KCNQ5: variants seen among roughly 807,000 people sequenced by gnomAD.
KCNQ5 encodes potassium voltage-gated channel subfamily Q member 5.
A neutral mutation model predicts 98.2 loss-of-function variants in KCNQ5; 30 were observed. That is an observed-to-expected ratio of 0.31 (90% CI 0.23 to 0.41). The LOEUF (loss-of-function observed/expected upper bound fraction) is 0.41, where lower values mean the gene tolerates loss of function less well. Ranked by LOEUF, KCNQ5 falls within the 10% of genes least tolerant of loss-of-function variation. The pLI, the probability that KCNQ5 is intolerant of heterozygous loss-of-function variation, is 1.00. For missense variants in KCNQ5, 835 were observed against 1,182.5 expected, an observed-to-expected ratio of 0.71 and a Z score of 4.31; for synonymous variants, 458 against 449.4, an observed-to-expected ratio of 1.02 and a Z score of -0.24.
Position 72,711,223 on chromosome 6 carries a change from G to A in KCNQ5, c.398+88636G>A, listed in dbSNP as rs142432441. On this transcript the variant is annotated intron_variant, in intron 1 of 13. Coordinates refer to ENST00000370398, the MANE Select transcript of KCNQ5 (RefSeq NM_019842.4). ...TGTACACAGAGAAAAGACCATGTGA[G>A]TACACAGCAAGAAGTAGCCATTTAC... is the stretch of plus-strand genomic sequence containing the variant. Among the ~76,000 whole-genome samples, 304 of 152,102 alleles carry A rather than the reference G, an allele frequency of 2.0e-3. 2 individuals are homozygous for A. Among genetic ancestry groups the A allele is most frequent in the African/African-American group, 7.2e-3 (298 of 41,518 alleles).
At chr6:72,917,938 G>A (rs761451926) in intron 1 of KCNQ5, among the ~76,000 whole-genome samples, 1 of 152,072 alleles carries the variant, frequency 6.6e-6, no homozygotes, top group African/African-American at 2.4e-5. Context: ...TTCTAGGGGG[G>A]CTGTCCTGTG....
chr6:73,076,707 T>C (rs186464529), intron 3 of KCNQ5, among the ~76,000 whole-genome samples: 32 of 152,324 alleles, frequency 2.1e-4, no homozygotes, highest in African/African-American at 7.2e-4. Context: ...GTCTAAAGAA[T>C]ACTCTATACA....
intron 1 of KCNQ5, among the ~76,000 whole-genome samples, chr6:72,726,817 C>T (rs1022840211): frequency 3.9e-5 from 6 of 152,162 alleles, no homozygotes; most frequent in Admixed American, 1.3e-4. Context: ...CAGATGAAAG[C>T]CTTAAGTTCT....
chr6:72,678,413 A>C (rs1164650513), intron 1 of KCNQ5: 1 of 152,184 alleles, frequency 6.6e-6, no homozygotes, highest in Non-Finnish European at 1.5e-5. Context: ...AAATAGAGGA[A>C]TCAGGATTCA....
At chr6:73,078,037 A>C in intron 5 of KCNQ5, 150 bp downstream of exon 5, 1 of 602,480 alleles carries the variant, frequency 1.7e-6, no homozygotes, top group Non-Finnish European at 2.6e-6. Context: ...TTATTGTCTA[A>C]AGGCTTTCCA....
At chr6:72,814,111 C>T (rs890777006) in intron 1 of KCNQ5, among the ~76,000 whole-genome samples, 1 of 152,182 alleles carries the variant, frequency 6.6e-6, no homozygotes, top group African/African-American at 2.4e-5. Context: ...GAGCCAGGCC[C>T]AAGGCCACTG....
At position 73,194,739 on chromosome 6, in the gene KCNQ5, T is replaced by G; in HGVS notation, c.2124T>G (p.Thr708=). Residue 708 remains threonine, a synonymous_variant, in exon 14 of 14, where the codon ACT becomes ACG. Transcript: ENST00000370398. ...SAQTFYALSP[T]MHSQATQVPI... ...AGACTTTCTACGCGCTTAGCCCTAC[T>G]ATGCACAGTCAAGCAACACAGGTGC... The G allele has an allele frequency of 6.2e-7, 1 of 1,614,220 alleles. No individual in the cohort carries two copies. The highest frequency in any genetic ancestry group is 2.2e-5 in the East Asian group (1 of 44,882).
intron 3 of KCNQ5, among the ~76,000 whole-genome samples, chr6:73,065,409 G>A (rs550322554): frequency 6.6e-6 from 1 of 152,274 alleles, no homozygotes; most frequent in Non-Finnish European, 1.5e-5. Flanking sequence ...CCTCACTCTT[G>A]TAATGCTGCT....
At chr6:72,854,483 A>G (rs2150145886) in intron 1 of KCNQ5, among the ~76,000 whole-genome samples, 1 of 151,976 alleles carries the variant, frequency 6.6e-6, no homozygotes, top group Non-Finnish European at 1.5e-5. Context: ...TAAAAAATTC[A>G]ATATTACTAT....
At chr6:72,898,633 G>GT (rs1254930176) in intron 1 of KCNQ5, among the ~76,000 whole-genome samples, 2 of 151,966 alleles carry the variant, frequency 1.3e-5, no homozygotes, top group Non-Finnish European at 2.9e-5. Flanking sequence ...TGCAATAAAC[G>GT]TAAGTGTGCA....
chr6:72,980,153 A>G (rs1352404389), intron 1 of KCNQ5, among the ~76,000 whole-genome samples: 1 of 152,048 alleles, frequency 6.6e-6, no homozygotes, highest in Admixed American at 6.6e-5. Flanking sequence ...TGACTTGGCA[A>G]TGTGGGCTCT....
intron 1 of KCNQ5, among the ~76,000 whole-genome samples, chr6:72,821,203 C>T (rs748934878): frequency 7.9e-5 from 12 of 152,120 alleles, no homozygotes; most frequent in Non-Finnish European, 1.6e-4. Context: ...AATATTTGGC[C>T]TAGTCACCCA....
At chr6:72,854,757 T>TG (rs1298731217) in intron 1 of KCNQ5, among the ~76,000 whole-genome samples, 18 of 80,528 alleles carry the variant, frequency 2.2e-4, no homozygotes, top group African/African-American at 3.6e-4. Flanking sequence ...CACACCATGG[T>TG]TTGTGTGTGT....
At chr6:73,099,081 T>C (rs1013047790) in intron 5 of KCNQ5, among the ~76,000 whole-genome samples, 1 of 151,884 alleles carries the variant, frequency 6.6e-6, no homozygotes, top group Non-Finnish European at 1.5e-5. Flanking sequence ...TTGTGATCAG[T>C]TTAAAATAAT....
At chr6:73,125,524 G>C (rs774105627) in intron 9 of KCNQ5, 2 of 515,946 alleles carry the variant, frequency 3.9e-6, no homozygotes, top group South Asian at 1.4e-5. Flanking sequence ...ACCCAGAGTT[G>C]GTCCCTAAGT....
chr6:73,074,876 A>G (rs1773460490), intron 3 of KCNQ5, among the ~76,000 whole-genome samples: 1 of 151,888 alleles, frequency 6.6e-6, no homozygotes, highest in Non-Finnish European at 1.5e-5. Flanking sequence ...ATATTTTAGC[A>G]TAGTAAATGA....
intron 1 of KCNQ5, among the ~76,000 whole-genome samples, chr6:72,902,428 G>A (rs1312540930): frequency 1.3e-5 from 2 of 152,128 alleles, no homozygotes; most frequent in Non-Finnish European, 2.9e-5. Flanking sequence ...CCAGTTCTAA[G>A]AGGGAATGCT....
intron 1 of KCNQ5, among the ~76,000 whole-genome samples, chr6:72,904,990 T>C (rs1779645899): frequency 6.6e-6 from 1 of 152,156 alleles, no homozygotes; most frequent in African/African-American, 2.4e-5. Flanking sequence ...AGATTTATCT[T>C]CTCCCTCAGG....
intron 1 of KCNQ5, among the ~76,000 whole-genome samples, chr6:72,798,958 A>G (rs1379665286): frequency 6.6e-6 from 1 of 152,106 alleles, no homozygotes; most frequent in East Asian, 1.9e-4. Flanking sequence ...ATACATATAT[A>G]AGACATATAA....
Sources: gnomAD v4.1 joint callset for allele counts (sites outside exome capture counted in the v4.1 genomes callset) on GRCh38, gnomAD v4.1.1 for gene constraint, MANE v1.5 for transcripts, NCBI Gene and HGNC (gene_info 2026-07-23, HGNC 2026-07-21) for gene names.